The following EP400 variants were observed in gnomAD, a reference collection of about 807,000 sequenced individuals.
The protein encoded by EP400 is E1A-binding protein p400.
In EP400, 105 loss-of-function variants were observed where a neutral mutation model predicts 354.1. That is an observed-to-expected ratio of 0.30 (90% CI 0.25 to 0.35). The LOEUF is 0.35. EP400 is among the 10% of genes least tolerant of loss of function. EP400 has a pLI of 1.00. For synonymous variants in EP400, 1,646 were observed against 1,716.9 expected (o/e 0.96, Z 1.02); for missense variants, 3,280 against 4,121.0 (o/e 0.80, Z 5.59).
In EP400 at chr12:132,066,887, G is replaced by C. The variant is rs139182932; in HGVS notation, c.8667G>C (p.Val2889=). The change falls in exon 49 of 53, where the codon GTG becomes GTC. Residue 2889 remains valine (V), a synonymous_variant. Coordinates refer to ENST00000389561, the MANE Select transcript of EP400 (RefSeq NM_015409.5). ...CGGTGGTGTCCGTCCCGGCAGCTGT[G>C]GTCTCCTCACCGGGAGTCACCACCC... ...KPPVVSVPAA[V]VSSPGVTTLP... 12 of 1,613,594 alleles carry C rather than the reference G, an allele frequency of 7.4e-6. No homozygotes were observed. In the African/African-American group the frequency reaches 1.2e-4, roughly 16 times the overall value.
At chr12:132,046,239 T>C (rs1051961280) in intron 39 of EP400, among the ~76,000 whole-genome samples, 3 of 152,224 alleles carry the variant, frequency 2.0e-5, no homozygotes, top group African/African-American at 7.2e-5. Context: ...ATCTGAATAC[T>C]TGGCCATATA....
chr12:132,027,902 G>T lies in EP400; in HGVS notation c.5110-115G>T, dbSNP rs1401485919. The stretch of plus-strand genomic sequence containing the variant: ...CTATTTCCTGTAACACAAGACCGGG[G>T]ATATTGAAGTGGATCTCATATGTGG... On this transcript the variant is annotated intron_variant, in intron 26 of 52. Transcript: ENST00000389561. This position sits in a 1 kb window ranked among gnomAD's most constrained non-coding sequence, Gnocchi z 4.9. 18 of 1,077,860 alleles carry T rather than the reference G, an allele frequency of 1.7e-5. No individual in the cohort carries two copies. The highest frequency in any genetic ancestry group is 2.3e-5 in the Non-Finnish European group (17 of 744,916). The allele number at this position is 1,077,860 out of a possible 1,614,324, so 66.8% of individuals were successfully genotyped here.
intron 52 of EP400, 36 bp from the exon 53 acceptor site, chr12:132,077,365 C>T: frequency 6.3e-7 from 1 of 1,589,722 alleles, no homozygotes; most frequent in Non-Finnish European, 8.6e-7. Context: ...ACTGAGTTTC[C>T]TGGGCAATGT....
At chr12:132,022,395 T>G (rs1369054851) in intron 23 of EP400, among the ~76,000 whole-genome samples, 3 of 152,240 alleles carry the variant, frequency 2.0e-5, no homozygotes, top group African/African-American at 7.2e-5. Context: ...TTTCCCCTCC[T>G]TGTTCACGGT....
At chr12:132,051,049 A>G in intron 41 of EP400, 2 of 290,798 alleles carry the variant, frequency 6.9e-6, no homozygotes, top group Non-Finnish European at 1.3e-5. Context: ...CCCTGAAGTT[A>G]TACAGGGGAA....
At chr12:132,051,302 C>T (rs1895279480) in intron 41 of EP400, among the ~76,000 whole-genome samples, 1 of 152,170 alleles carries the variant, frequency 6.6e-6, no homozygotes, top group Non-Finnish European at 1.5e-5. Context: ...GTGGGTTTCT[C>T]CCCGTGTGCG....
intron 12 of EP400, among the ~76,000 whole-genome samples, chr12:131,996,165 CCTGTGTTTG>C (rs1893207474): frequency 6.6e-6 from 1 of 152,092 alleles, no homozygotes; most frequent in Non-Finnish European, 1.5e-5. Flanking sequence ...CACCTGGTTC[CCTGTGTTTG>C]CTGTGAGCAT....
At chr12:132,059,869 A>G (rs983719520) in intron 45 of EP400, among the ~76,000 whole-genome samples, 1 of 152,046 alleles carries the variant, frequency 6.6e-6, no homozygotes, top group African/African-American at 2.4e-5. Context: ...ACAAAAAAAA[A>G]AAAATCAGCC....
At chr12:131,964,736 A>G (rs148626936) in intron 2 of EP400, among the ~76,000 whole-genome samples, 154 of 152,286 alleles carry the variant, frequency 1.0e-3, no homozygotes, top group Non-Finnish European at 1.7e-3. Context: ...ATCATATCCT[A>G]TTCTTTTATC....
rs111870593 is a variant in EP400 at position 132,050,273 on chromosome 12, G to A, written c.7201-50G>A. 9.5e-5 allele frequency: 152 copies of A among 1,603,490 alleles called. 1 individual carries two copies. The highest frequency in any genetic ancestry group is 9.0e-4 in the African/African-American group (67 of 74,860). ...AGTGAGCCCTGTGTCCCACGCAGCC[G>A]TCTGTCCATGCTGCCTAATTCAGAT... is the stretch of plus-strand genomic sequence containing the variant. On this transcript the variant is annotated intron_variant, in intron 39 of 52. Transcript: ENST00000389561. The surrounding 1 kb of genome is among the most constrained non-coding windows in gnomAD (Gnocchi z 4.8).
chr12:131,986,812 G>A lies in EP400; in HGVS notation c.2223+5G>A. On this transcript the variant is annotated splice_donor_5th_base_variant and intron_variant, in intron 6 of 52. Transcript: ENST00000389561. ...CTGACAGAACAAATAACTCTGGTAA[G>A]CATGCTTAAGAAAGTTGTAAAATGT... 2.5e-6 allele frequency: 4 copies of A among 1,592,150 alleles called. No individual in the cohort carries two copies. The highest frequency in any genetic ancestry group is 1.7e-4 in the Middle Eastern group (1 of 5,932).
intron 19 of EP400, among the ~76,000 whole-genome samples, chr12:132,014,303 C>T (rs1008227930): frequency 3.3e-5 from 5 of 152,230 alleles, no homozygotes; most frequent in Non-Finnish European, 4.4e-5. Flanking sequence ...GGCTGTGGCC[C>T]ACCGGAGGTG....
Position 132,069,336 on chromosome 12 carries a change from T to C in EP400, c.8875-159T>C, listed in dbSNP as rs149460138. 160 of 999,854 alleles carry C rather than the reference T, an allele frequency of 1.6e-4. 1 individual carries two copies. The East Asian group carries it at 4.2e-3, about 26-fold the overall frequency. The allele number at this position is 999,854 out of a possible 1,614,324, so 61.9% of individuals were successfully genotyped here. ...GTAGGCCTGGAGGCAGCGGCAGGGATGGGACAGGGGGCAGGAGATGTGGGT... is the reference window on the plus strand; with the variant it reads ...GTAGGCCTGGAGGCAGCGGCAGGGACGGGACAGGGGGCAGGAGATGTGGGT... On this transcript the variant is annotated intron_variant, in intron 50 of 52. Transcript: ENST00000389561.
intron 5 of EP400, 142 bp downstream of exon 5, chr12:131,982,620 A>T: frequency 9.7e-7 from 1 of 1,033,280 alleles, no homozygotes; most frequent in Admixed American, 2.9e-5. Flanking sequence ...ACAATTACTC[A>T]ATTCAGTACT....
At chr12:132,037,149 A>C (rs1326780719) in intron 30 of EP400, among the ~76,000 whole-genome samples, 2 of 152,172 alleles carry the variant, frequency 1.3e-5, no homozygotes, top group Non-Finnish European at 1.5e-5. Flanking sequence ...GTGTCCCTGC[A>C]CTGGGGGTCC....
intron 7 of EP400, among the ~76,000 whole-genome samples, chr12:131,988,483 C>T (rs1566174974): frequency 2.0e-5 from 3 of 152,208 alleles, no homozygotes; most frequent in Non-Finnish European, 4.4e-5. Flanking sequence ...AGTCAAGGGA[C>T]AGCAAGGGGC....
intron 2 of EP400, among the ~76,000 whole-genome samples, chr12:131,976,634 C>T (rs1390661091): frequency 1.3e-5 from 2 of 152,144 alleles, no homozygotes; most frequent in East Asian, 3.9e-4. Flanking sequence ...CGCTTGAACC[C>T]AGGAGGTGGA....
intron 2 of EP400, among the ~76,000 whole-genome samples, chr12:131,975,492 G>A (rs929561508): frequency 6.6e-6 from 1 of 152,262 alleles, no homozygotes; most frequent in Admixed American, 6.5e-5. Flanking sequence ...GTGTCTTGAA[G>A]TCAGGTCCTT....
intron 45 of EP400, among the ~76,000 whole-genome samples, chr12:132,055,666 G>T (rs1176926498): frequency 2.2e-5 from 3 of 138,818 alleles, no homozygotes; most frequent in Admixed American, 7.1e-5. Flanking sequence ...GTAGGGGTAT[G>T]TGTGTGAGGT....
Sources: gnomAD v4.1 joint callset for allele counts (sites outside exome capture counted in the v4.1 genomes callset) on GRCh38, gnomAD v4.1.1 for gene constraint, Gnocchi (gnomAD v3.1) non-coding constraint, MANE v1.5 for transcripts, NCBI Gene and HGNC (gene_info 2026-07-23, HGNC 2026-07-21) for gene names.